PDE4D: variants seen among roughly 807,000 people sequenced by gnomAD.
PDE4D encodes 3',5'-cyclic-AMP phosphodiesterase 4D.
A neutral mutation model predicts 87.4 loss-of-function variants in PDE4D; 24 were observed. The observed-to-expected ratio is 0.27, with a 90% confidence interval of 0.20 to 0.39. The LOEUF is 0.39. Ranked by LOEUF, PDE4D falls within the 10% of genes least tolerant of loss-of-function variation. The probability of loss-of-function intolerance (pLI) is 1.00; values close to 1 mark genes in which losing one functional copy is unlikely to be tolerated. For synonymous variants in PDE4D, 384 were observed against 383.2 expected (o/e 1.00, Z -0.02); for missense variants, 714 against 1,041.0 (o/e 0.69, Z 4.32).
intron 2 of PDE4D, among the ~76,000 whole-genome samples, chr5:60,134,799 T>C (rs564982083): frequency 4.1e-4 from 63 of 152,300 alleles, no homozygotes; most frequent in African/African-American, 1.5e-3. Context: ...TGCAAACTTT[T>C]CTCTTAAGTT....
chr5:60,064,670 T>C lies in PDE4D; in HGVS notation c.43-75953A>G, dbSNP rs77553186. Among the ~76,000 whole-genome samples, 23 of 152,262 alleles carry C rather than the reference T, an allele frequency of 1.5e-4. No homozygotes were observed. In the East Asian group the frequency reaches 4.5e-3, roughly 30 times the overall value. On this transcript the variant is annotated intron_variant, in intron 2 of 16. Coordinates refer to the PDE4D transcript ENST00000502484. Reference sequence around the variant, plus strand: ...ATTCAAAAACTGTTGAGATGCGGTCTCCTAAACAAGTTGCATGTGAAATCA... The same window carrying C: ...ATTCAAAAACTGTTGAGATGCGGTCCCCTAAACAAGTTGCATGTGAAATCA...
At chr5:59,785,756 T>C (rs1468626465) in intron 1 of PDE4D, among the ~76,000 whole-genome samples, 3 of 152,230 alleles carry the variant, frequency 2.0e-5, no homozygotes, top group Non-Finnish European at 2.9e-5. Flanking sequence ...TTTTGTAAAC[T>C]GATATCTCAT....
At chr5:60,339,532 C>T (rs1758124279) in intron 1 of PDE4D, among the ~76,000 whole-genome samples, 1 of 152,116 alleles carries the variant, frequency 6.6e-6, no homozygotes, top group African/African-American at 2.4e-5. Flanking sequence ...TTTTCGGACA[C>T]GGTTGACTGC....
chr5:59,011,891 G>A lies in PDE4D; in HGVS notation c.922-18426C>T, dbSNP rs541440855. ...GTTGAAATGAAGGAAAAAATGTTAA[G>A]GGCAGCCAGAGAGAAAGGTCGGGTT... On this transcript the variant is annotated intron_variant, in intron 6 of 14. Transcript: ENST00000340635. Among the ~76,000 whole-genome samples, 784 of 152,310 alleles carry A rather than the reference G, an allele frequency of 5.1e-3. 3 individuals are homozygous for A. Among genetic ancestry groups the A allele is most frequent in the Non-Finnish European group, 8.3e-3 (563 of 68,028 alleles).
At chr5:60,068,075 A>G (rs1408543186) in intron 2 of PDE4D, among the ~76,000 whole-genome samples, 1 of 152,186 alleles carries the variant, frequency 6.6e-6, no homozygotes, top group Non-Finnish European at 1.5e-5. Flanking sequence ...AATTCTTTTG[A>G]ATAAACACCC....
At chr5:60,106,450 G>A (rs899721803) in intron 2 of PDE4D, among the ~76,000 whole-genome samples, 4 of 151,832 alleles carry the variant, frequency 2.6e-5, no homozygotes, top group African/African-American at 7.3e-5. Flanking sequence ...ACAGATCAAC[G>A]AGACAGAAAG....
chr5:59,988,702 G>A (rs748348123), exon 3 of PDE4D: 2 of 1,592,474 alleles, frequency 1.3e-6, no homozygotes, highest in Non-Finnish European at 8.5e-7. Context: ...CTGGAATGTA[G>A]TGTTTCCTCA....
chr5:59,162,868 T>A (rs1284226010), intron 5 of PDE4D, among the ~76,000 whole-genome samples: 3 of 77,098 alleles, frequency 3.9e-5, no homozygotes, highest in Admixed American at 1.3e-4. Flanking sequence ...AAAAAAAAAA[T>A]TGTAATTAAA....
Position 59,017,552 on chromosome 5 carries a change from TCA to T in PDE4D, c.921+21305_921+21306del, listed in dbSNP as rs1390169696. Reference sequence around the variant, plus strand: ...TTTTACCTCCTGTCCCCGAAGTTCTTCACAGAGTTCAGGATAAGAAAAGCTGC... The same window carrying T: ...TTTTACCTCCTGTCCCCGAAGTTCTTCAGAGTTCAGGATAAGAAAAGCTGC... On this transcript the variant is annotated intron_variant, in intron 6 of 14. Transcript: ENST00000340635. Among the ~76,000 whole-genome samples the T allele has an allele frequency of 3.9e-5, 6 of 152,324 alleles. 1 individual carries two copies. In the South Asian group the frequency reaches 8.3e-4, roughly 21 times the overall value.
At chr5:60,426,099 TC>T (rs1268437772) in intron 1 of PDE4D, among the ~76,000 whole-genome samples, 1 of 152,204 alleles carries the variant, frequency 6.6e-6, no homozygotes, top group African/African-American at 2.4e-5. Context: ...GTAAATTAGT[TC>T]AACCATTGTG....
At chr5:59,707,452 C>T (rs566308093) in intron 1 of PDE4D, among the ~76,000 whole-genome samples, 9 of 152,056 alleles carry the variant, frequency 5.9e-5, no homozygotes, top group Non-Finnish European at 8.8e-5. Context: ...AAACTATGGC[C>T]CTCAGGCCAC....
intron 2 of PDE4D, among the ~76,000 whole-genome samples, chr5:59,997,048 T>C (rs961529101): frequency 1.3e-5 from 2 of 152,160 alleles, no homozygotes; most frequent in East Asian, 3.9e-4. Flanking sequence ...TATTCTACTG[T>C]ATATTCTCAT....
intron 1 of PDE4D, among the ~76,000 whole-genome samples, chr5:60,379,505 C>T (rs892605282): frequency 2.6e-5 from 4 of 152,218 alleles, no homozygotes; most frequent in African/African-American, 9.6e-5. Context: ...TCTCATGAAG[C>T]TGTCCTCAGC....
At chr5:60,263,290 A>T (rs556751729) in intron 1 of PDE4D, among the ~76,000 whole-genome samples, 6 of 152,290 alleles carry the variant, frequency 3.9e-5, no homozygotes, top group African/African-American at 1.4e-4. Context: ...GACATTTTAA[A>T]ATAATGATTT....
At chr5:60,177,664 A>C (rs1018675011) in intron 2 of PDE4D, among the ~76,000 whole-genome samples, 9 of 152,172 alleles carry the variant, frequency 5.9e-5, no homozygotes, top group African/African-American at 2.2e-4. Flanking sequence ...TCATAATGTG[A>C]AAAATTATTA....
chr5:59,348,288 A>G (rs1779930858), intron 1 of PDE4D, among the ~76,000 whole-genome samples: 1 of 152,168 alleles, frequency 6.6e-6, no homozygotes, highest in African/African-American at 2.4e-5. Flanking sequence ...GGCAACTTAT[A>G]TCTACTGTAT....
chr5:60,310,741 T>C (rs1754952000), intron 1 of PDE4D, among the ~76,000 whole-genome samples: 1 of 152,230 alleles, frequency 6.6e-6, no homozygotes, highest in African/African-American at 2.4e-5. Flanking sequence ...ACACACTTCT[T>C]CCTGAATCTT....
chr5:60,357,969 C>G (rs529614608), intron 1 of PDE4D, among the ~76,000 whole-genome samples: 6 of 152,196 alleles, frequency 3.9e-5, no homozygotes, highest in Non-Finnish European at 8.8e-5. Flanking sequence ...AGTAAGTACA[C>G]AGTATCTCAT....
At chr5:60,467,741 G>C (rs983611359) in intron 1 of PDE4D, among the ~76,000 whole-genome samples, 5 of 152,138 alleles carry the variant, frequency 3.3e-5, no homozygotes, top group African/African-American at 4.8e-5. Context: ...GCATGACTTG[G>C]GGGTCTCAGG....
Sources: gnomAD v4.1 joint callset for allele counts (sites outside exome capture counted in the v4.1 genomes callset) on GRCh38, gnomAD v4.1.1 for gene constraint, MANE v1.5 for transcripts, NCBI Gene and HGNC (gene_info 2026-07-23, HGNC 2026-07-21) for gene names.